The following CDH13 variants were observed in gnomAD, a reference collection of about 807,000 sequenced individuals.
The protein encoded by CDH13 is cadherin 13.
A neutral mutation model predicts 63.8 loss-of-function variants in CDH13; 24 were observed. That is an observed-to-expected ratio of 0.38 (90% CI 0.27 to 0.53). The LOEUF (loss-of-function observed/expected upper bound fraction) is 0.53. CDH13 is among the 20% of genes least tolerant of loss of function. The pLI, the probability that CDH13 is intolerant of heterozygous loss-of-function variation, is 0.85. For synonymous variants in CDH13, 503 were observed against 355.3 expected (o/e 1.42, Z -4.67); for missense variants, 1,049 against 903.1 (o/e 1.16, Z -2.07).
chr16:83,226,263 A>G (rs2039835177), intron 5 of CDH13, among the ~76,000 whole-genome samples: 2 of 152,070 alleles, frequency 1.3e-5, no homozygotes, highest in African/African-American at 2.4e-5. Context: ...AGGTTAAACG[A>G]CCTTGTGGAG....
intron 4 of CDH13, among the ~76,000 whole-genome samples, chr16:83,192,348 G>A (rs1350125942): frequency 6.6e-6 from 1 of 152,204 alleles, no homozygotes; most frequent in East Asian, 1.9e-4. Flanking sequence ...AGAGCAGAGG[G>A]TAGATGCAGA....
chr16:83,130,854 A>G (rs2036012523), intron 4 of CDH13, among the ~76,000 whole-genome samples: 1 of 151,996 alleles, frequency 6.6e-6, no homozygotes, highest in African/African-American at 2.4e-5. Flanking sequence ...AAGAAAGGAG[A>G]CTCATATCCT....
At chr16:83,452,329 T>C (rs973266486) in intron 6 of CDH13, among the ~76,000 whole-genome samples, 1 of 146,270 alleles carries the variant, frequency 6.8e-6, no homozygotes, top group Non-Finnish European at 1.5e-5. Flanking sequence ...GACTCATTTT[T>C]TTCATTTATT....
intron 11 of CDH13, among the ~76,000 whole-genome samples, chr16:83,759,023 C>T (rs570896313): frequency 1.2e-4 from 19 of 152,182 alleles, no homozygotes; most frequent in Non-Finnish European, 2.1e-4. Context: ...GCATGGGGAT[C>T]GGGGCAGAAA....
chr16:82,999,977 A>T (rs989658065), intron 2 of CDH13, among the ~76,000 whole-genome samples: 3 of 152,086 alleles, frequency 2.0e-5, no homozygotes, highest in African/African-American at 7.2e-5. Context: ...TGTGGGTAGA[A>T]TTCAGAGATG....
intron 1 of CDH13, among the ~76,000 whole-genome samples, chr16:82,630,871 G>A (rs1210718011): frequency 6.6e-6 from 1 of 152,150 alleles, no homozygotes; most frequent in African/African-American, 2.4e-5. Flanking sequence ...TTTTGATCTT[G>A]TAATACCTGT....
intron 5 of CDH13, among the ~76,000 whole-genome samples, chr16:83,256,832 G>T (rs571628224): frequency 8.4e-5 from 11 of 130,272 alleles, no homozygotes; most frequent in East Asian, 2.2e-4. Context: ...GCGACGGAGC[G>T]AGACTCCATC....
intron 4 of CDH13, among the ~76,000 whole-genome samples, chr16:83,145,841 A>C (rs925789112): frequency 7.9e-5 from 12 of 152,164 alleles, no homozygotes; most frequent in Non-Finnish European, 1.5e-4. Flanking sequence ...CTTTAGGTAG[A>C]ATGATCAGAG....
chr16:83,214,824 A>G (rs1040348155), intron 4 of CDH13, among the ~76,000 whole-genome samples: 12 of 151,906 alleles, frequency 7.9e-5, no homozygotes, highest in Non-Finnish European at 1.6e-4. Flanking sequence ...GAGGCGATGG[A>G]CCGTGTTCAT....
At chr16:83,486,150 G>GAAAA (rs1344377832) in intron 6 of CDH13, among the ~76,000 whole-genome samples, 1 of 151,872 alleles carries the variant, frequency 6.6e-6, no homozygotes, top group African/African-American at 2.4e-5. Flanking sequence ...CTAAAAAAAT[G>GAAAA]AATGTCCCTG....
At chr16:82,944,236 T>C (rs1041055064) in intron 2 of CDH13, among the ~76,000 whole-genome samples, 1 of 152,170 alleles carries the variant, frequency 6.6e-6, no homozygotes, top group Non-Finnish European at 1.5e-5. Context: ...GTTCCATTCA[T>C]GGGATTTGGT....
At chr16:82,981,077 C>G (rs907918317) in intron 2 of CDH13, among the ~76,000 whole-genome samples, 1 of 152,112 alleles carries the variant, frequency 6.6e-6, no homozygotes. Flanking sequence ...CATACAAATA[C>G]CCATTCTAGG....
At chr16:83,787,919 A>T (rs1406223172) in intron 13 of CDH13, among the ~76,000 whole-genome samples, 1 of 152,206 alleles carries the variant, frequency 6.6e-6, no homozygotes, top group Non-Finnish European at 1.5e-5. Context: ...CTCCAGCCTA[A>T]GCGACAGAGC....
chr16:82,714,316 C>T (rs1216894001), intron 1 of CDH13, among the ~76,000 whole-genome samples: 1 of 152,090 alleles, frequency 6.6e-6, no homozygotes, highest in Non-Finnish European at 1.5e-5. Context: ...TCCCCAGGAT[C>T]TGTAAATGTA....
At chr16:82,931,390 T>C (rs755932079) in intron 2 of CDH13, among the ~76,000 whole-genome samples, 4 of 152,232 alleles carry the variant, frequency 2.6e-5, no homozygotes, top group African/African-American at 9.6e-5. Context: ...CCAGAAAGAC[T>C]TGGACTCACA....
chr16:82,665,093 A>G (rs1030531530), intron 1 of CDH13, among the ~76,000 whole-genome samples: 2 of 152,192 alleles, frequency 1.3e-5, no homozygotes, highest in Non-Finnish European at 2.9e-5. Context: ...TTCCAGGTGC[A>G]TTCAAACTAG....
intron 1 of CDH13, chr16:82,723,244 C>G (rs370175258): frequency 2.0e-5 from 3 of 152,296 alleles, no homozygotes; most frequent in African/African-American, 7.2e-5. Context: ...GTAGGTGGCA[C>G]TCTGTTCCTC....
At chr16:83,186,204 G>A (rs1020866439) in intron 4 of CDH13, among the ~76,000 whole-genome samples, 7 of 150,394 alleles carry the variant, frequency 4.7e-5, no homozygotes, top group African/African-American at 7.4e-5. Flanking sequence ...GCGTGATCTC[G>A]GATCACTGCA....
At chr16:83,066,341 T>G (rs2032008277) in intron 3 of CDH13, among the ~76,000 whole-genome samples, 1 of 152,132 alleles carries the variant, frequency 6.6e-6, no homozygotes, top group Non-Finnish European at 1.5e-5. Flanking sequence ...CTGCCCTTGT[T>G]TTTCGGAGAC....
Sources: gnomAD v4.1 joint callset for allele counts (sites outside exome capture counted in the v4.1 genomes callset) on GRCh38, gnomAD v4.1.1 for gene constraint, MANE v1.5 for transcripts, NCBI Gene and HGNC (gene_info 2026-07-23, HGNC 2026-07-21) for gene names.